KCTD21: variants seen among roughly 807,000 people sequenced by gnomAD.
KCTD21 encodes BTB/POZ domain-containing protein KCTD21.
A neutral mutation model predicts 13.2 loss-of-function variants in KCTD21; 9 were observed. That is an observed-to-expected ratio of 0.68 (90% CI 0.41 to 1.19). KCTD21 has a LOEUF of 1.19. Ranked by LOEUF, KCTD21 falls within the 50% of genes most tolerant of loss-of-function variation. The probability of loss-of-function intolerance (pLI) is 0.01; values close to 1 mark genes in which losing one functional copy is unlikely to be tolerated. For synonymous variants in KCTD21, 142 were observed against 137.4 expected, an observed-to-expected ratio of 1.03 and a Z score of -0.23; for missense variants, 303 against 336.5, an observed-to-expected ratio of 0.90 and a Z score of 0.78.
chr11:78,178,888 C>T (rs1862534618), intron 1 of KCTD21, among the ~76,000 whole-genome samples: 1 of 152,146 alleles, frequency 6.6e-6, no homozygotes, highest in African/African-American at 2.4e-5. Flanking sequence ...TCAAACGCTC[C>T]TCTTTGCAAC....
At chr11:78,188,311 C>A (rs148857829) in intron 1 of KCTD21, 68 of 985,000 alleles carry the variant, frequency 6.9e-5, no homozygotes, top group Non-Finnish European at 8.0e-5. Flanking sequence ...TCCCGACCCT[C>A]ATTATCCGGG....
In KCTD21 at chr11:78,174,160, TG is replaced by T; in HGVS notation, c.394del (p.Gln132ArgfsTer53). 1.9e-6 allele frequency: 3 copies of T among 1,614,126 alleles called. No individual in the cohort carries two copies. Among genetic ancestry groups the T allele is most frequent in the Non-Finnish European group, 2.5e-6 (3 of 1,180,040 alleles). On this transcript the variant is annotated frameshift_variant, in exon 2 of 2. Coordinates refer to ENST00000340067, the MANE Select transcript of KCTD21 (RefSeq NM_001029859.3). LOFTEE classifies it high-confidence loss of function. ...TVHFTVREAPQIYSLSSSSME... is the reference protein window; with the variant it reads ...TVHFTVREAPXIYSLSSSSME... ...GCTGGAAGAGGAGAGGCTGTAGATC[TG>T]GGGTGCCTCGCGCACAGTGAAGTGG...
intron 1 of KCTD21, chr11:78,187,305 T>G (rs908337970): frequency 1.0e-6 from 1 of 985,256 alleles, no homozygotes; most frequent in African/African-American, 1.7e-5. Flanking sequence ...GAGCTGCGTC[T>G]ATAATTCTGT....
At position 78,174,585 on chromosome 11, in the gene KCTD21, T is replaced by A. The variant is rs111296651; in HGVS notation, c.-29-2A>T. 3 of 1,582,464 alleles carry A rather than the reference T, an allele frequency of 1.9e-6. No homozygotes were observed. Among genetic ancestry groups the A allele is most frequent in the African/African-American group, 1.4e-5 (1 of 73,648 alleles). On this transcript the variant is annotated splice_acceptor_variant, in intron 1 of 1. Coordinates refer to ENST00000340067, the MANE Select transcript of KCTD21 (RefSeq NM_001029859.3). LOFTEE classifies it low-confidence loss of function (5UTR_SPLICE). ...GAGACTGGGTTGCTGGAAGTAGTCCTGGAGAGGGTGAGAAGTGAGAAATGA... is the reference window on the plus strand; with the variant it reads ...GAGACTGGGTTGCTGGAAGTAGTCCAGGAGAGGGTGAGAAGTGAGAAATGA...
intron 1 of KCTD21, chr11:78,175,271 C>T (rs1193976530): frequency 6.8e-6 from 1 of 146,166 alleles, no homozygotes; most frequent in Non-Finnish European, 1.5e-5. Context: ...TGCAGTGAGC[C>T]GGGACTGAAC....
chr11:78,181,497 G>A (rs1004028038), intron 1 of KCTD21, among the ~76,000 whole-genome samples: 2 of 152,212 alleles, frequency 1.3e-5, no homozygotes, highest in African/African-American at 4.8e-5. Flanking sequence ...TCTTGGGGCT[G>A]GGTTGGAGGG....
Position 78,171,555 on chromosome 11 carries a change from G to A in KCTD21, c.*2217C>T, listed in dbSNP as rs1862281313. 6.6e-6 allele frequency: 1 copy of A among 152,552 alleles called. No individual in the cohort carries two copies. Among genetic ancestry groups the A allele is most frequent in the Non-Finnish European group, 1.5e-5 (1 of 68,046 alleles). 9.4% of individuals were successfully genotyped at this position (152,552 alleles called of 1,614,324 possible). A position where few individuals can be genotyped will look rare whatever the true frequency, so the allele number is the denominator to read the frequency against. ...TTTCTTCCTCAAATTGTTTTGTTAT[G>A]ACCACAGCTTCTGCTACTTGGTCTA... On this transcript the variant is annotated 3_prime_UTR_variant, in exon 2 of 2. Transcript: ENST00000340067.
intron 1 of KCTD21, among the ~76,000 whole-genome samples, chr11:78,183,765 A>G (rs927318089): frequency 8.6e-5 from 13 of 150,408 alleles, no homozygotes; most frequent in Non-Finnish European, 1.8e-4. Context: ...CCTCCCGAGT[A>G]GCTGAGACTA....
Position 78,178,480 on chromosome 11 carries a change from C to T in KCTD21, c.-29-3897G>A, listed in dbSNP as rs113932327. Among the ~76,000 whole-genome samples, 458 of 152,262 alleles carry T rather than the reference C, an allele frequency of 3.0e-3. 3 individuals carry two copies. The highest frequency in any genetic ancestry group is 9.6e-3 in the African/African-American group (400 of 41,566). ...CACAGTGTCCATCATCACAAATCCA[C>T]GGCCCTGCTACAAAAGGCAAAATGA... On this transcript the variant is annotated intron_variant, in intron 1 of 1. Coordinates refer to ENST00000340067, the MANE Select transcript of KCTD21 (RefSeq NM_001029859.3).
chr11:78,188,383 G>C (rs914093538), intron 1 of KCTD21, 190 bp downstream of exon 1: 2 of 985,356 alleles, frequency 2.0e-6, no homozygotes, highest in South Asian at 9.4e-5. Context: ...TAAGAGCTCT[G>C]CCCACTTCGG....
intron 1 of KCTD21, among the ~76,000 whole-genome samples, chr11:78,181,972 G>A (rs1482431959): frequency 6.6e-6 from 1 of 152,106 alleles, no homozygotes; most frequent in Non-Finnish European, 1.5e-5. Context: ...TCTTCATACT[G>A]TGGCTGACAA....
rs866048927 is a variant in KCTD21, at chr11:78,187,531, A to G, written c.-30+1042T>C. On this transcript the variant is annotated intron_variant, in intron 1 of 1. Coordinates refer to ENST00000340067, the MANE Select transcript of KCTD21 (RefSeq NM_001029859.3). ...GCGTAGACCTCCAACAACCACTACC[A>G]TCCCCCAGCCCCTTCCAGAACTTTC... 44 of 985,168 alleles carry G rather than the reference A, an allele frequency of 4.5e-5. 1 individual carries two copies. In the South Asian group the frequency reaches 1.7e-3, roughly 39 times the overall value. 61.0% of individuals were successfully genotyped at this position (985,168 alleles called of 1,614,324 possible). A position where few individuals can be genotyped will look rare whatever the true frequency, so the allele number is the denominator to read the frequency against.
At chr11:78,177,811 T>A (rs1232538811) in intron 1 of KCTD21, 2 of 152,204 alleles carry the variant, frequency 1.3e-5, no homozygotes, top group Non-Finnish European at 2.9e-5. Context: ...CCTTATCTCT[T>A]CCATGCATTA....
At chr11:78,183,019 C>G (rs1292795617) in intron 1 of KCTD21, among the ~76,000 whole-genome samples, 1 of 152,194 alleles carries the variant, frequency 6.6e-6, no homozygotes, top group African/African-American at 2.4e-5. Flanking sequence ...ATCTATCTAT[C>G]AATCACCTAT....
intron 1 of KCTD21, among the ~76,000 whole-genome samples, chr11:78,181,061 T>C (rs1308027581): frequency 2.6e-5 from 4 of 152,206 alleles, no homozygotes; most frequent in African/African-American, 9.7e-5. Flanking sequence ...GTGAGTCAAT[T>C]AAACCTCTTT....
rs2136987121 is a variant in KCTD21 at position 78,173,193 on chromosome 11, A to G, written c.*579T>C. The G allele has an allele frequency of 6.5e-6, 1 of 154,218 alleles. No individual in the cohort carries two copies. The highest frequency in any genetic ancestry group is 1.4e-5 in the Non-Finnish European group (1 of 69,386). 9.6% of individuals were successfully genotyped at this position (154,218 alleles called of 1,614,324 possible). A position where few individuals can be genotyped will look rare whatever the true frequency, so the allele number is the denominator to read the frequency against. On this transcript the variant is annotated 3_prime_UTR_variant, in exon 2 of 2. Coordinates refer to ENST00000340067, the MANE Select transcript of KCTD21 (RefSeq NM_001029859.3). Reference sequence around the variant, plus strand: ...ATTCCTCTAGACCCTGCCACACCTCATCTCTGACCCCCAAGAGGGGACACT... The same window carrying G: ...ATTCCTCTAGACCCTGCCACACCTCGTCTCTGACCCCCAAGAGGGGACACT...
At chr11:78,187,600 C>G (rs1862825965) in intron 1 of KCTD21, 1 of 985,296 alleles carries the variant, frequency 1.0e-6, no homozygotes, top group South Asian at 4.7e-5. Context: ...TTGTGCTTTT[C>G]CTCCGGCACC....
At chr11:78,178,143 T>TG (rs1862510557) in intron 1 of KCTD21, among the ~76,000 whole-genome samples, 1 of 151,290 alleles carries the variant, frequency 6.6e-6, no homozygotes, top group Non-Finnish European at 1.5e-5. Context: ...TTTTTTTTTT[T>TG]TGAGATGGAG....
rs957353862 is a variant in KCTD21 at position 78,171,608 on chromosome 11, C to T, written c.*2164G>A. On this transcript the variant is annotated 3_prime_UTR_variant, in exon 2 of 2. Transcript: ENST00000340067. ...CTAGGTTCTCCATGAGGGGCTCTCC[C>T]AAGTACCCTTGGCCTGGGACAGCTG... 3 of 152,294 alleles carry T rather than the reference C, an allele frequency of 2.0e-5. No homozygotes were observed. Among genetic ancestry groups the T allele is most frequent in the Non-Finnish European group, 4.4e-5 (3 of 68,052 alleles). The allele number at this position is 152,294 out of a possible 1,614,324, so 9.4% of individuals were successfully genotyped here. A position where few individuals can be genotyped will look rare whatever the true frequency, so the allele number is the denominator to read the frequency against.
Sources: allele counts gnomAD v4.1 joint callset (sites outside exome capture counted in the v4.1 genomes callset), GRCh38; gene constraint gnomAD v4.1.1; transcripts MANE v1.5; gene names NCBI Gene and HGNC (gene_info 2026-07-23, HGNC 2026-07-21).